SLC25A21: variants seen among roughly 807,000 people sequenced by gnomAD.
SLC25A21 encodes mitochondrial 2-oxodicarboxylate carrier.
Under a neutral mutation model 43.8 loss-of-function variants are expected in SLC25A21, and 47 were observed. The ratio of observed to expected loss-of-function variants is 1.07; its 90% CI spans 0.85 to 1.37. The LOEUF (loss-of-function observed/expected upper bound fraction) is 1.37. SLC25A21 is among the 40% of genes most tolerant of loss of function. The pLI, the probability that SLC25A21 is intolerant of heterozygous loss-of-function variation, is 0.00. For missense variants in SLC25A21, 352 were observed against 350.2 expected, an observed-to-expected ratio of 1.00 and a Z score of -0.04; for synonymous variants, 131 against 121.3, an observed-to-expected ratio of 1.08 and a Z score of -0.52.
chr14:37,095,902 T>A (rs1413535816), intron 1 of SLC25A21, among the ~76,000 whole-genome samples: 2 of 151,822 alleles, frequency 1.3e-5, no homozygotes, highest in Non-Finnish European at 2.9e-5. Context: ...TATATAAACA[T>A]CATGGGCCTC....
intron 1 of SLC25A21, among the ~76,000 whole-genome samples, chr14:36,960,661 C>A (rs1378194627): frequency 1.3e-5 from 2 of 152,118 alleles, no homozygotes; most frequent in Non-Finnish European, 2.9e-5. Flanking sequence ...AAGGTGGTCT[C>A]ATTGTTATTC....
At chr14:37,074,703 TG>T (rs1408091723) in intron 1 of SLC25A21, among the ~76,000 whole-genome samples, 2 of 151,976 alleles carry the variant, frequency 1.3e-5, no homozygotes, top group Admixed American at 1.3e-4. Context: ...CGTAGTGGTG[TG>T]CACCTGTAAT....
At chr14:36,802,622 T>C (rs1041171432) in intron 3 of SLC25A21, among the ~76,000 whole-genome samples, 2 of 152,164 alleles carry the variant, frequency 1.3e-5, no homozygotes, top group African/African-American at 4.8e-5. Flanking sequence ...AGGTAAGTGT[T>C]GTTACAGAGG....
intron 1 of SLC25A21, among the ~76,000 whole-genome samples, chr14:37,131,976 G>C (rs1963398757): frequency 6.6e-6 from 1 of 152,138 alleles, no homozygotes; most frequent in African/African-American, 2.4e-5. Flanking sequence ...ACCAGCCCAC[G>C]GGGAGTAATT....
chr14:37,040,620 A>T (rs1214505936), intron 1 of SLC25A21, among the ~76,000 whole-genome samples: 1 of 151,882 alleles, frequency 6.6e-6, no homozygotes, highest in African/African-American at 2.4e-5. Context: ...GACATAATTA[A>T]ATTTACTTTT....
At chr14:36,965,310 T>C (rs1163232792) in intron 1 of SLC25A21, among the ~76,000 whole-genome samples, 3 of 152,146 alleles carry the variant, frequency 2.0e-5, no homozygotes, top group Non-Finnish European at 4.4e-5. Flanking sequence ...CATCAATCTT[T>C]CACACTCCAC....
rs939166223 is a variant in SLC25A21 at position 37,028,444 on chromosome 14, A to G, written c.70+143837T>C. On this transcript the variant is annotated intron_variant, in intron 1 of 9. Transcript: ENST00000331299. ...ACTTTATTTCTGCTTCAGCTTGCCA[A>G]TTATAACAAAGGACAAATCAATGGT... 3.3e-5 allele frequency among the ~76,000 whole-genome samples: 5 copies of G among 152,230 alleles called. 1 individual carries two copies. The highest frequency in any genetic ancestry group is 3.9e-4 in the East Asian group (2 of 5,188).
At chr14:36,931,052 A>C (rs913012468) in intron 1 of SLC25A21, among the ~76,000 whole-genome samples, 1 of 151,770 alleles carries the variant, frequency 6.6e-6, no homozygotes, top group Non-Finnish European at 1.5e-5. Flanking sequence ...GCTCCCACAG[A>C]CTCGGGTTCT....
At chr14:37,013,715 A>C (rs1353950163) in intron 1 of SLC25A21, among the ~76,000 whole-genome samples, 1 of 152,132 alleles carries the variant, frequency 6.6e-6, no homozygotes, top group Non-Finnish European at 1.5e-5. Flanking sequence ...CCAGTAACAA[A>C]TGGTGAGTAG....
At chr14:36,843,877 T>C (rs1008005022) in intron 2 of SLC25A21, among the ~76,000 whole-genome samples, 1 of 152,236 alleles carries the variant, frequency 6.6e-6, no homozygotes, top group Admixed American at 6.5e-5. Flanking sequence ...TCAACTGTCA[T>C]ATCTCTCTAG....
intron 1 of SLC25A21, among the ~76,000 whole-genome samples, chr14:36,928,001 A>C (rs904553078): frequency 2.6e-4 from 40 of 152,146 alleles, no homozygotes; most frequent in African/African-American, 9.2e-4. Flanking sequence ...TGGTAGCTAG[A>C]GCCCCCGAAG....
At chr14:36,836,285 A>G (rs1889206514) in intron 2 of SLC25A21, among the ~76,000 whole-genome samples, 1 of 152,352 alleles carries the variant, frequency 6.6e-6, no homozygotes, top group Non-Finnish European at 1.5e-5. Flanking sequence ...ACTAGTCAGG[A>G]AATCATTGGC....
At chr14:36,759,253 G>T (rs1326209907) in intron 3 of SLC25A21, among the ~76,000 whole-genome samples, 1 of 152,110 alleles carries the variant, frequency 6.6e-6, no homozygotes, top group African/African-American at 2.4e-5. Context: ...TCATTTGAGT[G>T]GGCACCCTTT....
chr14:36,989,453 T>C (rs1189906326), intron 1 of SLC25A21, among the ~76,000 whole-genome samples: 3 of 152,050 alleles, frequency 2.0e-5, no homozygotes, highest in Non-Finnish European at 4.4e-5. Flanking sequence ...AGGTATACAA[T>C]AGTGGAGGTA....
At chr14:37,079,537 G>A (rs972795761) in intron 1 of SLC25A21, among the ~76,000 whole-genome samples, 7 of 152,094 alleles carry the variant, frequency 4.6e-5, no homozygotes, top group African/African-American at 9.7e-5. Context: ...TGGAGTTACC[G>A]GAGTGATCAT....
intron 3 of SLC25A21, among the ~76,000 whole-genome samples, chr14:36,757,090 CAAAAA>C (rs58430384): frequency 1.8e-4 from 23 of 125,804 alleles, no homozygotes; most frequent in South Asian, 7.8e-4. Context: ...CCCATCTTTA[CAAAAA>C]AAAAAAAAAA....
chr14:37,055,092 C>T (rs1566846754), intron 1 of SLC25A21, among the ~76,000 whole-genome samples: 3 of 152,138 alleles, frequency 2.0e-5, no homozygotes, highest in Admixed American at 6.5e-5. Flanking sequence ...AATCTTATAC[C>T]CTTGTCATCA....
chr14:37,156,666 A>C (rs946522486), intron 1 of SLC25A21, among the ~76,000 whole-genome samples: 1 of 152,164 alleles, frequency 6.6e-6, no homozygotes, highest in African/African-American at 2.4e-5. Context: ...AGTCAAGAAG[A>C]GTAAAAGAAA....
chr14:36,974,419 A>G (rs2138690554), intron 1 of SLC25A21, among the ~76,000 whole-genome samples: 1 of 152,306 alleles, frequency 6.6e-6, no homozygotes, highest in Non-Finnish European at 1.5e-5. Context: ...ACATTCAAGA[A>G]CTTGCCATAA....
Sources: allele counts gnomAD v4.1 joint callset (sites outside exome capture counted in the v4.1 genomes callset), GRCh38; gene constraint gnomAD v4.1.1; transcripts MANE v1.5; gene names NCBI Gene and HGNC (gene_info 2026-07-23, HGNC 2026-07-21).